Variants in DLGAP2 observed in about 807,000 individuals in gnomAD.
The protein encoded by DLGAP2 is DLG associated protein 2, also known as disks large-associated protein 2.
DLGAP2 carries 26 observed loss-of-function variants against 100.3 expected under a neutral mutation model. That is an observed-to-expected ratio of 0.26 (90% CI 0.19 to 0.36). DLGAP2 has a LOEUF of 0.36. Among genes scored for constraint, DLGAP2 ranks in the 10% least tolerant of loss-of-function variants. DLGAP2 has a pLI of 1.00. For missense variants in DLGAP2, 1,858 were observed against 1,453.2 expected, an observed-to-expected ratio of 1.28 and a Z score of -4.53; for synonymous variants, 886 against 630.1, an observed-to-expected ratio of 1.41 and a Z score of -6.08.
chr8:1,109,087 G>A (rs1223679221), intron 2 of DLGAP2, among the ~76,000 whole-genome samples: 1 of 140,538 alleles, frequency 7.1e-6, no homozygotes, highest in Non-Finnish European at 1.6e-5. Context: ...GTGTGCACGG[G>A]TCTGTGAGGT....
In DLGAP2 at chr8:797,088, A is replaced by G. The variant is rs1045709071; in HGVS notation, c.18+59263A>G. Among the ~76,000 whole-genome samples the G allele has an allele frequency of 2.6e-5, 4 of 152,176 alleles. No homozygotes were observed. In the South Asian group the frequency reaches 8.3e-4, roughly 32 times the overall value. Reference sequence around the variant, plus strand: ...AAACTTTTATTAAGGAGTAACTTTTATGCAATAAAATGAACAGGTATTAAG... The same window carrying G: ...AAACTTTTATTAAGGAGTAACTTTTGTGCAATAAAATGAACAGGTATTAAG... On this transcript the variant is annotated intron_variant, in intron 1 of 14. Coordinates refer to ENST00000637795, the MANE Select transcript of DLGAP2 (RefSeq NM_001346810.2).
At chr8:1,486,564 C>T (rs1212287155) in intron 3 of DLGAP2, among the ~76,000 whole-genome samples, 1 of 152,196 alleles carries the variant, frequency 6.6e-6, no homozygotes, top group Non-Finnish European at 1.5e-5. Context: ...TCTCGGTTTC[C>T]TTAGGAACAG....
intron 2 of DLGAP2, among the ~76,000 whole-genome samples, chr8:959,288 A>C (rs768963018): frequency 5.9e-5 from 9 of 152,106 alleles, no homozygotes; most frequent in Non-Finnish European, 1.0e-4. Context: ...TTGGGGAAGG[A>C]GGTCTCAAGT....
chr8:1,410,416 C>T (rs959274992), intron 3 of DLGAP2, among the ~76,000 whole-genome samples: 8 of 152,190 alleles, frequency 5.3e-5, no homozygotes, highest in Non-Finnish European at 1.0e-4. Flanking sequence ...CTGAGTGCTT[C>T]CTTTTTATTC....
chr8:943,191 T>C (rs1023435215), intron 2 of DLGAP2, among the ~76,000 whole-genome samples: 4 of 152,170 alleles, frequency 2.6e-5, no homozygotes, highest in African/African-American at 9.7e-5. Flanking sequence ...TAGAGAAATG[T>C]TTACCAGTTG....
At chr8:1,240,483 GTT>G (rs1452932504) in intron 2 of DLGAP2, among the ~76,000 whole-genome samples, 8 of 118,980 alleles carry the variant, frequency 6.7e-5, no homozygotes, top group Middle Eastern at 8.5e-3. Context: ...ACCATGTCTA[GTT>G]TTCTCTCACA....
intron 12 of DLGAP2, among the ~76,000 whole-genome samples, chr8:1,682,939 T>G (rs567576478): frequency 7.3e-5 from 11 of 151,702 alleles, no homozygotes; most frequent in Middle Eastern, 3.4e-3. Flanking sequence ...TTTGTCTTGT[T>G]TTTTACCTTT....
At chr8:825,072 C>T (rs1045162868) in intron 1 of DLGAP2, among the ~76,000 whole-genome samples, 4 of 152,198 alleles carry the variant, frequency 2.6e-5, no homozygotes, top group Admixed American at 6.5e-5. Flanking sequence ...CTGCAGGAGC[C>T]GGCTTGAGAA....
chr8:1,359,300 T>G (rs1023696807), intron 3 of DLGAP2, among the ~76,000 whole-genome samples: 1 of 152,334 alleles, frequency 6.6e-6, no homozygotes, highest in South Asian at 2.1e-4. Flanking sequence ...AGGCGGTCCA[T>G]GCGCCCTGGT....
chr8:1,536,388 T>C (rs972909041), intron 4 of DLGAP2, among the ~76,000 whole-genome samples: 4 of 152,154 alleles, frequency 2.6e-5, no homozygotes, highest in Non-Finnish European at 4.4e-5. Flanking sequence ...AACCAATATC[T>C]TATTCATTCC....
intron 1 of DLGAP2, among the ~76,000 whole-genome samples, chr8:798,986 T>C (rs970428375): frequency 3.3e-5 from 5 of 152,386 alleles, no homozygotes; most frequent in African/African-American, 1.2e-4. Context: ...TTTTTGTGTG[T>C]GTGCATGTCC....
At chr8:1,027,716 C>T (rs1334326965) in intron 2 of DLGAP2, among the ~76,000 whole-genome samples, 8 of 119,686 alleles carry the variant, frequency 6.7e-5, no homozygotes, top group Admixed American at 8.4e-5. Context: ...GGGTGTCAGG[C>T]GCCCGTTATT....
chr8:1,286,526 G>A (rs923922077), intron 3 of DLGAP2, among the ~76,000 whole-genome samples: 1 of 152,170 alleles, frequency 6.6e-6, no homozygotes, highest in African/African-American at 2.4e-5. Context: ...CATAAATGGA[G>A]GACCGAGGCC....
chr8:1,151,212 C>T (rs1047342245), intron 2 of DLGAP2, among the ~76,000 whole-genome samples: 2 of 152,198 alleles, frequency 1.3e-5, no homozygotes, highest in Non-Finnish European at 2.9e-5. Context: ...TTTCATTTTT[C>T]AGCTGGAGTC....
At chr8:1,155,265 G>GGC (rs981006284) in intron 2 of DLGAP2, among the ~76,000 whole-genome samples, 1 of 152,108 alleles carries the variant, frequency 6.6e-6, no homozygotes, top group African/African-American at 2.4e-5. Context: ...TTCTTCTTGT[G>GGC]GCTGCACTCC....
chr8:1,422,243 G>A (rs1157270404), intron 3 of DLGAP2, among the ~76,000 whole-genome samples: 1 of 152,068 alleles, frequency 6.6e-6, no homozygotes, highest in Non-Finnish European at 1.5e-5. Flanking sequence ...TAGGAGTTAT[G>A]GAATATGGAA....
At chr8:1,622,997 T>G (rs192823037) in intron 6 of DLGAP2, among the ~76,000 whole-genome samples, 11 of 152,086 alleles carry the variant, frequency 7.2e-5, no homozygotes, top group Admixed American at 5.2e-4. Flanking sequence ...TCCTAGTTCT[T>G]GAGTTTTGAT....
chr8:1,296,531 A>C (rs1453925895), intron 3 of DLGAP2, among the ~76,000 whole-genome samples: 8 of 152,046 alleles, frequency 5.3e-5, no homozygotes, highest in African/African-American at 1.9e-4. Flanking sequence ...GTCGCTGCCT[A>C]TCTTGCAGAG....
intron 2 of DLGAP2, among the ~76,000 whole-genome samples, chr8:1,113,009 G>A (rs1479318260): frequency 6.6e-6 from 1 of 152,142 alleles, no homozygotes; most frequent in African/African-American, 2.4e-5. Context: ...AGATCAGATG[G>A]TTGCAGGTGT....
Sources: gnomAD v4.1 joint callset for allele counts (sites outside exome capture counted in the v4.1 genomes callset) on GRCh38, gnomAD v4.1.1 for gene constraint, MANE v1.5 for transcripts, NCBI Gene and HGNC (gene_info 2026-07-23, HGNC 2026-07-21) for gene names.